The following PDZRN3 variants were observed in gnomAD, a reference collection of about 807,000 sequenced individuals.
PDZRN3 encodes PDZ domain containing ring finger 3.
PDZRN3 carries 38 observed loss-of-function variants against 85.7 expected under a neutral mutation model. That is an observed-to-expected ratio of 0.44 (90% CI 0.34 to 0.58). PDZRN3 has a LOEUF of 0.58. Among genes scored for constraint, PDZRN3 ranks in the 20% least tolerant of loss-of-function variants. PDZRN3 has a pLI of 0.01. For synonymous variants in PDZRN3, 759 were observed against 638.0 expected (o/e 1.19, Z -2.86); for missense variants, 1,629 against 1,506.4 (o/e 1.08, Z -1.35).
intron 1 of PDZRN3, among the ~76,000 whole-genome samples, chr3:73,615,117 T>A (rs949182456): frequency 6.6e-6 from 1 of 151,768 alleles, no homozygotes; most frequent in Admixed American, 6.6e-5. Context: ...TTTTCCAGAG[T>A]CATAATATCT....
intron 3 of PDZRN3, among the ~76,000 whole-genome samples, chr3:73,451,103 T>C (rs555132480): frequency 2.6e-5 from 4 of 152,166 alleles, no homozygotes; most frequent in African/African-American, 9.6e-5. Flanking sequence ...CAGAAGACAA[T>C]GTCAGTGCAC....
At chr3:73,581,730 G>A (rs1370542216) in intron 3 of PDZRN3, among the ~76,000 whole-genome samples, 1 of 151,960 alleles carries the variant, frequency 6.6e-6, no homozygotes, top group Non-Finnish European at 1.5e-5. Context: ...TGATGGAATG[G>A]GCACAATATG....
rs1559643666 is a variant in PDZRN3 at position 73,383,136 on chromosome 3, G to GA, written c.*228dup. 2 of 461,104 alleles carry GA rather than the reference G, an allele frequency of 4.3e-6. No homozygotes were observed. The highest frequency in any genetic ancestry group is 6.6e-5 in the East Asian group (2 of 30,186). 28.6% of individuals were successfully genotyped at this position (461,104 alleles called of 1,614,324 possible). On this transcript the variant is annotated 3_prime_UTR_variant, in exon 10 of 10. Coordinates refer to ENST00000263666, the MANE Select transcript of PDZRN3 (RefSeq NM_015009.3). Reference sequence around the variant, plus strand: ...AGGTAGAAAAGTACAATTGCTATTTGAAAAAAGCTCTGTTTGTTAATATTG... The same window carrying GA: ...AGGTAGAAAAGTACAATTGCTATTTGAAAAAAAGCTCTGTTTGTTAATATTG...
chr3:73,471,136 T>C (rs1057068590), intron 3 of PDZRN3, among the ~76,000 whole-genome samples: 3 of 152,068 alleles, frequency 2.0e-5, no homozygotes, highest in African/African-American at 7.2e-5. Context: ...CCAACATGAC[T>C]GGTGTCTTCA....
chr3:73,618,928 A>G (rs979256595), intron 1 of PDZRN3, among the ~76,000 whole-genome samples: 6 of 152,232 alleles, frequency 3.9e-5, no homozygotes, highest in African/African-American at 1.2e-4. Context: ...AGCTTTTCAG[A>G]AACAAAATAT....
intron 3 of PDZRN3, among the ~76,000 whole-genome samples, chr3:73,412,968 G>A (rs1357733559): frequency 6.6e-6 from 1 of 152,198 alleles, no homozygotes; most frequent in African/African-American, 2.4e-5. Context: ...TCAGATGTGT[G>A]ACTTTGGGTA....
chr3:73,452,230 CT>C (rs1296533796), intron 3 of PDZRN3, among the ~76,000 whole-genome samples: 1 of 152,064 alleles, frequency 6.6e-6, no homozygotes, highest in African/African-American at 2.4e-5. Flanking sequence ...GAATGTGGGG[CT>C]ACACGACTCA....
intron 3 of PDZRN3, among the ~76,000 whole-genome samples, chr3:73,533,982 A>G (rs547442510): frequency 8.2e-4 from 124 of 151,740 alleles, no homozygotes; most frequent in Non-Finnish European, 1.5e-3. Context: ...CGGATGTCTT[A>G]TATGTCAATT....
At chr3:73,539,393 G>C (rs2106776077) in intron 3 of PDZRN3, among the ~76,000 whole-genome samples, 1 of 152,264 alleles carries the variant, frequency 6.6e-6, no homozygotes, top group South Asian at 2.1e-4. Context: ...ATTCTTTGCT[G>C]CTCCTCTCAG....
chr3:73,587,034 A>G (rs1164543921), intron 3 of PDZRN3, among the ~76,000 whole-genome samples: 2 of 152,194 alleles, frequency 1.3e-5, no homozygotes, highest in Non-Finnish European at 2.9e-5. Flanking sequence ...GGTTTGATTT[A>G]GTTTTGCCAT....
At chr3:73,443,894 G>A (rs1231255522) in intron 3 of PDZRN3, among the ~76,000 whole-genome samples, 1 of 152,080 alleles carries the variant, frequency 6.6e-6, no homozygotes, top group Non-Finnish European at 1.5e-5. Context: ...CATTTGCTAT[G>A]TATTAAAAAT....
At chr3:73,624,019 C>A (rs920093804) in intron 1 of PDZRN3, 84 bp downstream of exon 1, 45 of 1,261,174 alleles carry the variant, frequency 3.6e-5, no homozygotes, top group Admixed American at 4.0e-5. Flanking sequence ...AAGCTCGGGG[C>A]ATCCCTGTAC....
chr3:73,443,481 T>TTTC (rs1553689601), intron 3 of PDZRN3, among the ~76,000 whole-genome samples: 9 of 40,754 alleles, frequency 2.2e-4, no homozygotes, highest in Admixed American at 3.4e-4. Context: ...TCCTTTTTCT[T>TTTC]TTTTTTTTTT....
chr3:73,385,915 C>T, intron 8 of PDZRN3, 130 bp from the exon 9 acceptor site: 1 of 635,324 alleles, frequency 1.6e-6, no homozygotes, highest in Non-Finnish European at 2.8e-6. Context: ...AAAATGCAGT[C>T]TGCCCAATGA....
intron 1 of PDZRN3, among the ~76,000 whole-genome samples, chr3:73,617,474 G>T (rs1223544978): frequency 6.6e-6 from 1 of 152,106 alleles, no homozygotes; most frequent in Non-Finnish European, 1.5e-5. Context: ...GGCATATGTG[G>T]GTGTCTGATT....
chr3:73,460,072 G>T (rs769409064), intron 3 of PDZRN3, among the ~76,000 whole-genome samples: 14 of 152,096 alleles, frequency 9.2e-5, no homozygotes, highest in Non-Finnish European at 2.1e-4. Flanking sequence ...ATGATTTGAG[G>T]TAAAATATAC....
intron 3 of PDZRN3, among the ~76,000 whole-genome samples, chr3:73,441,411 CAA>C (rs10656791): frequency 5.9e-5 from 4 of 68,190 alleles, no homozygotes; most frequent in Non-Finnish European, 9.9e-5. Context: ...GACTCTGTCC[CAA>C]AAAAAAAAAA....
At chr3:73,608,730 T>C (rs557310668) in intron 1 of PDZRN3, 46 bp from the exon 2 acceptor site, 77 of 1,162,228 alleles carry the variant, frequency 6.6e-5, no homozygotes, top group Middle Eastern at 2.0e-4. Flanking sequence ...CAACAGGGAA[T>C]AGATGGTAGG....
intron 3 of PDZRN3, among the ~76,000 whole-genome samples, chr3:73,445,399 T>C (rs746490679): frequency 7.4e-4 from 113 of 152,174 alleles, no homozygotes; most frequent in Non-Finnish European, 1.3e-3. Context: ...TATTTTAAAG[T>C]CACCCAGAAG....
Sources: allele counts gnomAD v4.1 joint callset (sites outside exome capture counted in the v4.1 genomes callset), GRCh38; gene constraint gnomAD v4.1.1; transcripts MANE v1.5; gene names NCBI Gene and HGNC (gene_info 2026-07-23, HGNC 2026-07-21).